MAN1A2: variants seen among roughly 807,000 people sequenced by gnomAD.
MAN1A2 encodes mannosidase alpha class 1A member 2.
Under a neutral mutation model 75.7 loss-of-function variants are expected in MAN1A2, and 26 were observed. That is an observed-to-expected ratio of 0.34 (90% CI 0.25 to 0.48). The LOEUF is 0.48. Ranked by LOEUF, MAN1A2 falls within the 20% of genes least tolerant of loss-of-function variation. MAN1A2 has a pLI of 0.99. For synonymous variants in MAN1A2, 247 were observed against 264.6 expected (o/e 0.93, Z 0.65); for missense variants, 562 against 775.5 (o/e 0.72, Z 3.27).
intron 4 of MAN1A2, among the ~76,000 whole-genome samples, chr1:117,419,892 A>G (rs560689616): frequency 6.6e-6 from 1 of 152,068 alleles, no homozygotes; most frequent in Non-Finnish European, 1.5e-5. Context: ...AATTTATCAA[A>G]ACTATTGGTT....
At chr1:117,368,685 G>C (rs1400570212) in intron 1 of MAN1A2, among the ~76,000 whole-genome samples, 200 bp downstream of exon 1, 1 of 151,984 alleles carries the variant, frequency 6.6e-6, no homozygotes, top group Admixed American at 6.6e-5. Context: ...TCCATAGACT[G>C]GTAGGACTGG....
At position 117,516,551 on chromosome 1, in the gene MAN1A2, G is replaced by A. The variant is rs192660565; in HGVS notation, c.1794-6274G>A. Reference sequence around the variant, plus strand: ...CTCACAATGGATGAGTGGAACTTCTGCTTACTCTAAAGATGGAACCAGATT... The same window carrying A: ...CTCACAATGGATGAGTGGAACTTCTACTTACTCTAAAGATGGAACCAGATT... On this transcript the variant is annotated intron_variant, in intron 12 of 12. Coordinates refer to ENST00000356554, the MANE Select transcript of MAN1A2 (RefSeq NM_006699.5). Among the ~76,000 whole-genome samples, 33 of 152,150 alleles carry A rather than the reference G, an allele frequency of 2.2e-4. No individual in the cohort carries two copies. The East Asian group carries it at 5.8e-3, about 27-fold the overall frequency.
chr1:117,509,780 C>T (rs1651473402), intron 12 of MAN1A2, among the ~76,000 whole-genome samples: 1 of 148,236 alleles, frequency 6.7e-6, no homozygotes, highest in Non-Finnish European at 1.5e-5. Flanking sequence ...GTGGATATTG[C>T]AAAACGAGTT....
At chr1:117,487,586 TAG>T (rs1650752010) in intron 8 of MAN1A2, among the ~76,000 whole-genome samples, 1 of 152,102 alleles carries the variant, frequency 6.6e-6, no homozygotes, top group Non-Finnish European at 1.5e-5. Context: ...GATAAAATGG[TAG>T]CGTCACTGAA....
At chr1:117,467,184 T>C (rs187987027) in intron 8 of MAN1A2, among the ~76,000 whole-genome samples, 34 of 152,302 alleles carry the variant, frequency 2.2e-4, no homozygotes, top group Admixed American at 1.0e-3. Flanking sequence ...TTATCAATGC[T>C]ATTCTCTTTT....
intron 1 of MAN1A2, among the ~76,000 whole-genome samples, chr1:117,398,305 T>C (rs1418267843): frequency 6.6e-6 from 1 of 152,028 alleles, no homozygotes; most frequent in African/African-American, 2.4e-5. Context: ...AAGAAGAAAT[T>C]GTAAGAGTGT....
chr1:117,516,291 G>A (rs1384069985), intron 12 of MAN1A2, among the ~76,000 whole-genome samples: 1 of 152,098 alleles, frequency 6.6e-6, no homozygotes, highest in Admixed American at 6.6e-5. Context: ...TACAAATGCA[G>A]TTGGATTGAA....
intron 4 of MAN1A2, among the ~76,000 whole-genome samples, chr1:117,417,523 C>T (rs1648032881): frequency 2.4e-5 from 1 of 40,992 alleles, no homozygotes; most frequent in Non-Finnish European, 4.7e-5. Flanking sequence ...TTGGAGATAT[C>T]CTTGAGTTTA....
chr1:117,449,893 G>A (rs929861570), intron 6 of MAN1A2, among the ~76,000 whole-genome samples: 2 of 152,230 alleles, frequency 1.3e-5, no homozygotes, highest in African/African-American at 4.8e-5. Flanking sequence ...GAAGCTGCAG[G>A]AGAAAAGTTT....
chr1:117,478,779 AAC>A (rs1650399626), intron 8 of MAN1A2, among the ~76,000 whole-genome samples: 1 of 152,016 alleles, frequency 6.6e-6, no homozygotes, highest in South Asian at 2.1e-4. Flanking sequence ...CTACACAATC[AAC>A]ACAGTGTGTA....
intron 7 of MAN1A2, among the ~76,000 whole-genome samples, chr1:117,465,789 C>T (rs1198559247): frequency 6.6e-6 from 1 of 152,114 alleles, no homozygotes; most frequent in Non-Finnish European, 1.5e-5. Flanking sequence ...TTCCCCCTTA[C>T]TCTCAGGGAG....
At position 117,502,207 on chromosome 1, in the gene MAN1A2, A is replaced by C. The variant is rs939372585; in HGVS notation, c.1678-648A>C. Among the ~76,000 whole-genome samples the C allele has an allele frequency of 2.0e-5, 3 of 148,382 alleles. No homozygotes were observed. The East Asian group carries it at 5.8e-4, about 29-fold the overall frequency. On this transcript the variant is annotated intron_variant, in intron 11 of 12. Coordinates refer to ENST00000356554, the MANE Select transcript of MAN1A2 (RefSeq NM_006699.5). Reference sequence around the variant, plus strand: ...CATAGAGTTCTGAAATTCAAATGTGACTGTATTTAAAGCTCTTAGAACAGC... The same window carrying C: ...CATAGAGTTCTGAAATTCAAATGTGCCTGTATTTAAAGCTCTTAGAACAGC...
chr1:117,399,968 G>A (rs775823279), intron 1 of MAN1A2, among the ~76,000 whole-genome samples: 3 of 152,148 alleles, frequency 2.0e-5, no homozygotes, highest in Non-Finnish European at 4.4e-5. Flanking sequence ...GGGGTTAGTA[G>A]TACCGTGTTT....
chr1:117,502,983 C>T lies in MAN1A2; in HGVS notation c.1793+13C>T. 1 of 1,416,994 alleles carries T rather than the reference C, an allele frequency of 7.1e-7. No homozygotes were observed. The highest frequency in any genetic ancestry group is 9.7e-7 in the Non-Finnish European group (1 of 1,025,952). 87.8% of individuals were successfully genotyped at this position (1,416,994 alleles called of 1,614,324 possible). On this transcript the variant is annotated intron_variant, in intron 12 of 12. Transcript: ENST00000356554. ...CTGAAACATTAAAGTAAGTATATAG[C>T]TTTAAAAAATATTTTTATACTAGAC...
chr1:117,393,987 C>T (rs909384187), intron 1 of MAN1A2, among the ~76,000 whole-genome samples: 3 of 151,842 alleles, frequency 2.0e-5, no homozygotes, highest in Admixed American at 1.3e-4. Flanking sequence ...GCTGTCTGCT[C>T]GTAGTTTCCT....
chr1:117,457,735 T>C (rs568683434), intron 6 of MAN1A2, among the ~76,000 whole-genome samples: 1 of 152,304 alleles, frequency 6.6e-6, no homozygotes, highest in East Asian at 1.9e-4. Flanking sequence ...AATGGTATGC[T>C]TTATTCCTTA....
intron 4 of MAN1A2, among the ~76,000 whole-genome samples, chr1:117,417,895 C>G (rs901198328): frequency 1.3e-5 from 2 of 151,540 alleles, no homozygotes; most frequent in African/African-American, 4.9e-5. Flanking sequence ...GCTTGGGCAA[C>G]ATAGTGAGAC....
At chr1:117,399,326 A>G (rs1286089871) in intron 1 of MAN1A2, among the ~76,000 whole-genome samples, 2 of 152,200 alleles carry the variant, frequency 1.3e-5, no homozygotes, top group Non-Finnish European at 2.9e-5. Flanking sequence ...GCCATTTAGC[A>G]ATAACTTGGG....
At chr1:117,424,540 AGCTTTTGCTCATGACTTGGGAAGGAGT>A (rs1301990063) in intron 5 of MAN1A2, among the ~76,000 whole-genome samples, 6 of 152,076 alleles carry the variant, frequency 3.9e-5, no homozygotes, top group East Asian at 3.9e-4. Flanking sequence ...CCAGAGGGAG[AGCTTTTGCTCATGACTTGGGAAGGAGT>A]GCTTTTGCTC....
Sources: allele counts gnomAD v4.1 joint callset (sites outside exome capture counted in the v4.1 genomes callset), GRCh38; gene constraint gnomAD v4.1.1; transcripts MANE v1.5; gene names NCBI Gene and HGNC (gene_info 2026-07-23, HGNC 2026-07-21).